PNKD: variants seen among roughly 807,000 people sequenced by gnomAD.
The protein encoded by PNKD is PNKD metallo-beta-lactamase domain containing, also known as probable thioesterase PNKD.
PNKD carries 36 observed loss-of-function variants against 45.3 expected under a neutral mutation model. That is an observed-to-expected ratio of 0.80 (90% CI 0.61 to 1.05). PNKD has a LOEUF of 1.05. Among genes scored for constraint, PNKD ranks in the 50% least tolerant of loss-of-function variants. PNKD has a pLI of 0.00. For synonymous variants in PNKD, 197 were observed against 210.1 expected, an observed-to-expected ratio of 0.94 and a Z score of 0.54; for missense variants, 511 against 506.6, an observed-to-expected ratio of 1.01 and a Z score of -0.08.
intron 2 of PNKD, chr2:218,281,856 AG>A (rs1348650444): frequency 1.2e-5 from 13 of 1,051,744 alleles, no homozygotes; most frequent in Non-Finnish European, 1.8e-5. Context: ...AAACTAGAAG[AG>A]AAAAGGGGCA....
At chr2:218,316,494 C>T (rs760562320) in intron 2 of PNKD, among the ~76,000 whole-genome samples, 57 of 152,252 alleles carry the variant, frequency 3.7e-4, no homozygotes, top group Middle Eastern at 3.4e-3. Flanking sequence ...TGGTTTCGAA[C>T]TCCTGAGCTC....
At chr2:218,318,950 C>CTTTTTTTTTTTTTTTT (rs769001811) in intron 2 of PNKD, among the ~76,000 whole-genome samples, 54 of 99,888 alleles carry the variant, frequency 5.4e-4, no homozygotes, top group Admixed American at 1.1e-3. Flanking sequence ...TTTTTTTTTT[C>CTTTTTTTTTTTTTTTT]TTTTTTTTTT....
At position 218,344,791 on chromosome 2, in the gene PNKD, G is replaced by A; in HGVS notation, c.985-17G>A. The A allele has an allele frequency of 6.2e-7, 1 of 1,613,414 alleles. No homozygotes were observed. Among genetic ancestry groups the A allele is most frequent in the South Asian group, 1.1e-5 (1 of 91,058 alleles). Reference sequence around the variant, plus strand: ...TCCCAGCTTCTCTCCACCAAACCTGGTTCCTCTCACCCACAGTGCCCATCT... The same window carrying A: ...TCCCAGCTTCTCTCCACCAAACCTGATTCCTCTCACCCACAGTGCCCATCT... On this transcript the variant is annotated splice_polypyrimidine_tract_variant and intron_variant, in intron 9 of 9. Transcript: ENST00000273077.
At chr2:218,295,388 A>G (rs2106247984) in intron 2 of PNKD, among the ~76,000 whole-genome samples, 1 of 152,336 alleles carries the variant, frequency 6.6e-6, no homozygotes, top group East Asian at 1.9e-4. Context: ...CAGTTTGACA[A>G]GTGCTGGCAG....
chr2:218,330,398 T>C (rs1694286029), intron 2 of PNKD, among the ~76,000 whole-genome samples: 1 of 152,218 alleles, frequency 6.6e-6, no homozygotes, highest in Non-Finnish European at 1.5e-5. Flanking sequence ...AGTGGCTCAC[T>C]GTCCCCAGCT....
chr2:218,314,242 T>TTTTTTTC (rs1693704023), intron 2 of PNKD, among the ~76,000 whole-genome samples: 1 of 145,822 alleles, frequency 6.9e-6, no homozygotes, highest in African/African-American at 2.6e-5. Flanking sequence ...TTTTTTTTTT[T>TTTTTTTC]TGAGACAGAG....
intron 2 of PNKD, among the ~76,000 whole-genome samples, chr2:218,299,160 C>T (rs938761166): frequency 2.0e-5 from 3 of 151,632 alleles, no homozygotes; most frequent in Admixed American, 6.6e-5. Context: ...GACTGAGTTT[C>T]GCTTTTGTCA....
chr2:218,342,208 C>T (rs569859309), intron 7 of PNKD, 64 bp downstream of exon 7: 4 of 1,393,938 alleles, frequency 2.9e-6, no homozygotes, highest in Non-Finnish European at 4.0e-6. Context: ...AGGGCAGCCA[C>T]AGTCCCATGG....
intron 2 of PNKD, among the ~76,000 whole-genome samples, chr2:218,336,678 G>T (rs184989838): frequency 1.3e-5 from 2 of 151,040 alleles, no homozygotes; most frequent in Admixed American, 6.6e-5. Context: ...ACAGGGTCTC[G>T]CCATGTTGCC....
intron 2 of PNKD, among the ~76,000 whole-genome samples, chr2:218,313,109 A>T (rs887518526): frequency 2.7e-5 from 4 of 147,236 alleles, no homozygotes; most frequent in African/African-American, 5.0e-5. Flanking sequence ...TCTTTATACA[A>T]TTTTTTTTTT....
chr2:218,272,574 A>G (rs1383263690), intron 2 of PNKD: 2 of 1,613,704 alleles, frequency 1.2e-6, no homozygotes, highest in Admixed American at 3.3e-5. Flanking sequence ...CCGTAGGGCC[A>G]TCGGCTTCCC....
chr2:218,290,587 G>C (rs1239682720), intron 2 of PNKD, among the ~76,000 whole-genome samples: 1 of 152,186 alleles, frequency 6.6e-6, no homozygotes, highest in Non-Finnish European at 1.5e-5. Flanking sequence ...TTACTGCCAA[G>C]GGCCGGGGGA....
intron 2 of PNKD, chr2:218,275,454 G>T (rs762590223): frequency 1.4e-5 from 22 of 1,606,704 alleles, no homozygotes; most frequent in Non-Finnish European, 1.7e-5. Flanking sequence ...CCAGGATCGG[G>T]TGAAAATGGG....
At chr2:218,341,170 A>T (rs1694662189) in intron 5 of PNKD, among the ~76,000 whole-genome samples, 1 of 152,214 alleles carries the variant, frequency 6.6e-6, no homozygotes, top group Non-Finnish European at 1.5e-5. Flanking sequence ...TTCAAGCCCA[A>T]CCTGGGCAAC....
chr2:218,342,356 A>T (rs935969156), intron 7 of PNKD, among the ~76,000 whole-genome samples: 3 of 152,128 alleles, frequency 2.0e-5, no homozygotes, highest in African/African-American at 7.2e-5. Flanking sequence ...ACTTGAGGCT[A>T]GGAGTTGGAG....
Position 218,279,662 on chromosome 2 carries a change from G to A in PNKD, c.236+8113G>A, listed in dbSNP as rs111677253. ...CAGCAGCTCAGTCTGCACGCTCTAT[G>A]CAGCTGTGAGATGGAGAGGGTGGGT... On this transcript the variant is annotated intron_variant, in intron 2 of 9. Transcript: ENST00000273077. 894 of 489,758 alleles carry A rather than the reference G, an allele frequency of 1.8e-3. 10 individuals are homozygous for A. The highest frequency in any genetic ancestry group is 0.015 in the African/African-American group (792 of 51,694). The allele number at this position is 489,758 out of a possible 1,614,324, so 30.3% of individuals were successfully genotyped here.
chr2:218,297,814 A>G (rs1212552753), intron 2 of PNKD, among the ~76,000 whole-genome samples: 10 of 151,870 alleles, frequency 6.6e-5, no homozygotes, highest in African/African-American at 2.4e-4. Context: ...CCTGGCTAAC[A>G]TAGTGAAACC....
chr2:218,291,091 AG>A (rs2106241964), intron 2 of PNKD, among the ~76,000 whole-genome samples: 1 of 152,274 alleles, frequency 6.6e-6, no homozygotes, highest in African/African-American at 2.4e-5. Flanking sequence ...ACCCATTCCC[AG>A]GGGAGGAGGC....
intron 2 of PNKD, among the ~76,000 whole-genome samples, chr2:218,324,264 C>A (rs898279822): frequency 6.6e-6 from 1 of 152,232 alleles, no homozygotes; most frequent in African/African-American, 2.4e-5. Context: ...GGGTCAGGAC[C>A]TCAAGCCCCA....
Sources: gnomAD v4.1 joint callset for allele counts (sites outside exome capture counted in the v4.1 genomes callset) on GRCh38, gnomAD v4.1.1 for gene constraint, MANE v1.5 for transcripts, NCBI Gene and HGNC (gene_info 2026-07-23, HGNC 2026-07-21) for gene names.